The following ALPP variants were observed in gnomAD, a reference collection of about 807,000 sequenced individuals.
The protein encoded by ALPP is alkaline phosphatase, placental type.
In ALPP, 39 loss-of-function variants were observed where a neutral mutation model predicts 50.7. That is an observed-to-expected ratio of 0.77 (90% CI 0.60 to 1.00). ALPP has a LOEUF of 1.00. ALPP is among the 50% of genes least tolerant of loss of function. The pLI is 0.00. For missense variants in ALPP, 550 were observed against 746.8 expected (o/e 0.74, Z 3.07); for synonymous variants, 226 against 320.3 (o/e 0.71, Z 3.14).
chr2:232,381,165 A>C, intron 9 of ALPP, 86 bp from the exon 10 acceptor site: 1 of 1,606,784 alleles, frequency 6.2e-7, no homozygotes, highest in East Asian at 2.2e-5. Context: ...TAAGCCCCTG[A>C]CCAGGCAAAA....
chr2:232,379,540 G>C lies in ALPP; in HGVS notation c.337G>C (p.Asp113His), dbSNP rs1253988164. 5.0e-6 allele frequency: 8 copies of C among 1,614,104 alleles called. No individual in the cohort carries two copies. Among genetic ancestry groups the C allele is most frequent in the Non-Finnish European group, 6.8e-6 (8 of 1,180,044 alleles). ...ATACAATGTAGACAAACATGTGCCAGACAGTGGAGCCACAGCCACGGCCTA... is the reference window on the plus strand; with the variant it reads ...ATACAATGTAGACAAACATGTGCCACACAGTGGAGCCACAGCCACGGCCTA... ...KTYNVDKHVPDSGATATAYLC... is the reference protein window; with the variant it reads ...KTYNVDKHVPHSGATATAYLC... Residue 113 changes from aspartate (D) to histidine (H), a missense_variant, in exon 4 of 11, where the codon GAC becomes CAC. Asp to His is a moderately conservative substitution (Grantham distance 81). This residue lies in a region of ALPP where 376 missense variants were observed against 388.5 expected (regional missense o/e 0.97). Transcript: ENST00000392027.
rs1225894542 is a variant in ALPP, at chr2:232,380,444, A to G, written c.817A>G (p.Thr273Ala). The change falls in exon 7 of 11, where the codon ACT becomes GCT. Residue 273 changes from threonine (T) to alanine (A), a missense_variant. Physicochemically the swap from Thr to Ala is moderately conservative, Grantham distance 58. Transcript: ENST00000392027. The stretch of plus-strand genomic sequence containing the variant: ...GGGTGCCCGGTATGTGTGGAACCGC[A>G]CTGAGCTCATGCAGGCTTCCCTGGA... ...RQGARYVWNR[T>A]ELMQASLDPS... The G allele has an allele frequency of 5.6e-6, 9 of 1,613,692 alleles. No individual in the cohort carries two copies. The highest frequency in any genetic ancestry group is 7.6e-6 in the Non-Finnish European group (9 of 1,179,896).
intron 5 of ALPP, 112 bp downstream of exon 5, chr2:232,380,048 G>A: frequency 2.6e-6 from 4 of 1,565,056 alleles, no homozygotes; most frequent in Non-Finnish European, 3.5e-6. Context: ...TCTGGAGGTG[G>A]GGTTGTGGGC....
chr2:232,381,394 G>A (rs1696708670), intron 10 of ALPP, 27 bp downstream of exon 10: 2 of 1,613,820 alleles, frequency 1.2e-6, no homozygotes, highest in Admixed American at 3.3e-5. Context: ...GGCCCCCTGA[G>A]GGGGACCAGG....
rs1346994042 is a variant in ALPP, at chr2:232,381,681, G to A, written c.1494G>A (p.Leu498=). 6.2e-7 allele frequency: 1 copy of A among 1,608,946 alleles called. No individual in the cohort carries two copies. Among genetic ancestry groups the A allele is most frequent in the Non-Finnish European group, 8.5e-7 (1 of 1,178,586 alleles). Residue 498 remains leucine (L), a synonymous_variant, in exon 11 of 11, where the codon CTG becomes CTA. Transcript: ENST00000392027. The part of the protein sequence containing the change: ...ACLEPYTACD[L]APPAGTTDAA... ...TGGAGCCCTACACCGCCTGCGACCT[G>A]GCGCCCCCCGCCGGCACCACCGACG...
chr2:232,379,709 G>T (rs753292542), intron 4 of ALPP, 22 bp downstream of exon 4: 2 of 1,613,912 alleles, frequency 1.2e-6, no homozygotes, highest in African/African-American at 2.7e-5. Flanking sequence ...CCCGCTGCTG[G>T]GTCACGGCCA....
rs773052950 is a variant in ALPP, at chr2:232,378,792, G to A, written c.-11G>A. 6.2e-7 allele frequency: 1 copy of A among 1,613,494 alleles called. No individual in the cohort carries two copies. Among genetic ancestry groups the A allele is most frequent in the Non-Finnish European group, 8.5e-7 (1 of 1,179,688 alleles). Reference sequence around the variant, plus strand: ...ATTCCTGCCTCGCCACTGTCCTGCTGCCCTCCAGACATGCTGGGGCCCTGC... The same window carrying A: ...ATTCCTGCCTCGCCACTGTCCTGCTACCCTCCAGACATGCTGGGGCCCTGC... On this transcript the variant is annotated 5_prime_UTR_variant, in exon 1 of 11. Transcript: ENST00000392027.
Position 232,379,908 on chromosome 2 carries a change from C to G in ALPP, c.629C>G (p.Thr210Arg), listed in dbSNP as rs750382140. The G allele has an allele frequency of 1.2e-6, 2 of 1,611,796 alleles. No individual in the cohort carries two copies. The highest frequency in any genetic ancestry group is 1.7e-6 in the Non-Finnish European group (2 of 1,179,040). ...ARQEGCQDIA[T>R]QLISNMDIDV... ...CAGGAGGGGTGCCAGGACATCGCTA[C>G]GCAGCTCATCTCCAACATGGACATT... Residue 210 changes from threonine to arginine, a missense_variant, in exon 5 of 11, where the codon ACG (threonine) becomes AGG (arginine). Thr to Arg is a moderately conservative substitution (Grantham distance 71, BLOSUM62 -1). This residue lies in a region of ALPP where 376 missense variants were observed against 388.5 expected (regional missense o/e 0.97). Coordinates refer to ENST00000392027, the MANE Select transcript of ALPP (RefSeq NM_001632.5).
chr2:232,380,275 G>C lies in ALPP; in HGVS notation c.747G>C (p.Arg249Ser), dbSNP rs753892405. 25 of 1,613,974 alleles carry C rather than the reference G, an allele frequency of 1.5e-5. No individual in the cohort carries two copies. The highest frequency in any genetic ancestry group is 2.0e-5 in the Non-Finnish European group (24 of 1,180,034). ...ATGACTACAGCCAAGGTGGGACCAG[G>C]CTGGACGGGAAGAATCTGGTGCAGG... ...YPDDYSQGGT[R>S]LDGKNLVQEW... Residue 249 changes from arginine (R) to serine (S), a missense_variant, in exon 6 of 11, where the codon AGG (arginine) becomes AGC (serine). Arg to Ser is a moderately radical substitution (Grantham distance 110). This residue lies in a region of ALPP where 376 missense variants were observed against 388.5 expected (regional missense o/e 0.97). Coordinates refer to ENST00000392027, the MANE Select transcript of ALPP (RefSeq NM_001632.5).
At position 232,379,235 on chromosome 2, in the gene ALPP, C is replaced by A. The variant is rs144454460; in HGVS notation, c.229C>A (p.Leu77Ile). 737 of 1,613,920 alleles carry A rather than the reference C, an allele frequency of 4.6e-4. 10 individuals are homozygous for A. The highest frequency in any genetic ancestry group is 2.2e-3 in the South Asian group (203 of 91,064). Residue 77 changes from leucine to isoleucine, a missense_variant, in exon 3 of 11, where the codon CTA becomes ATA. By Grantham distance (5) the Leu-to-Ile change is conservative. This residue lies in a region of ALPP where 376 missense variants were observed against 388.5 expected (regional missense o/e 0.97). Coordinates refer to ENST00000392027, the MANE Select transcript of ALPP (RefSeq NM_001632.5). Reference sequence around the variant, plus strand: ...GTCTACGGTGACAGCTGCCAGGATCCTAAAAGGGCAGAAGAAGGACAAACT... The same window carrying A: ...GTCTACGGTGACAGCTGCCAGGATCATAAAAGGGCAGAAGAAGGACAAACT... ...GVSTVTAARILKGQKKDKLGP... is the reference protein window; with the variant it reads ...GVSTVTAARIIKGQKKDKLGP...
In ALPP at chr2:232,379,929, A is replaced by C; in HGVS notation, c.650A>C (p.Asp217Ala). ...DIATQLISNM[D>A]IDVILGGGRK... is the part of the protein sequence containing the mutation. ...GCTACGCAGCTCATCTCCAACATGGACATTGACGTGCGACCCCCAGGCCAA... is the reference window on the plus strand; with the variant it reads ...GCTACGCAGCTCATCTCCAACATGGCCATTGACGTGCGACCCCCAGGCCAA... The change falls in exon 5 of 11, where the codon GAC becomes GCC. Residue 217 changes from aspartate (D) to alanine (A), a missense_variant. Transcript: ENST00000392027. The C allele has an allele frequency of 6.2e-7, 1 of 1,606,694 alleles. No individual in the cohort carries two copies. The highest frequency in any genetic ancestry group is 8.5e-7 in the Non-Finnish European group (1 of 1,176,254).
At position 232,382,843 on chromosome 2, in the gene ALPP, A is replaced by T. The variant is rs563682935; in HGVS notation, c.*1048A>T. ...ATTCTGCCTCAAAAATAAACAAATA[A>T]ATTTTAAAAATAAATAAATAATAAA... On this transcript the variant is annotated 3_prime_UTR_variant, in exon 11 of 11. Transcript: ENST00000392027. The T allele has an allele frequency of 8.5e-5, 13 of 152,296 alleles. No individual in the cohort carries two copies. Among genetic ancestry groups the T allele is most frequent in the African/African-American group, 3.1e-4 (13 of 41,562 alleles). The allele number at this position is 152,296 out of a possible 1,614,324, so 9.4% of individuals were successfully genotyped here.
chr2:232,381,961 T>A lies in ALPP; in HGVS notation c.*166T>A. ...CCGTGCGCTCTGGGGACTGAGCCCATGACACCAAACCTGCCCCTTGGCTGC... is the reference window on the plus strand; with the variant it reads ...CCGTGCGCTCTGGGGACTGAGCCCAAGACACCAAACCTGCCCCTTGGCTGC... On this transcript the variant is annotated 3_prime_UTR_variant, in exon 11 of 11. Transcript: ENST00000392027. The A allele has an allele frequency of 8.5e-7, 1 of 1,169,682 alleles. No individual in the cohort carries two copies. Among genetic ancestry groups the A allele is most frequent in the Non-Finnish European group, 1.2e-6 (1 of 856,166 alleles). The allele number at this position is 1,169,682 out of a possible 1,614,324, so 72.5% of individuals were successfully genotyped here.
chr2:232,382,886 G>A lies in ALPP; in HGVS notation c.*1091G>A, dbSNP rs1269055624. On this transcript the variant is annotated 3_prime_UTR_variant, in exon 11 of 11. Coordinates refer to ENST00000392027, the MANE Select transcript of ALPP (RefSeq NM_001632.5). Reference sequence around the variant, plus strand: ...ATAATAAAAGGAAGTGTTAGACAATGTAATGCCAGTACTACTTCCTAGGAG... The same window carrying A: ...ATAATAAAAGGAAGTGTTAGACAATATAATGCCAGTACTACTTCCTAGGAG... The A allele has an allele frequency of 1.3e-5, 2 of 152,224 alleles. No individual in the cohort carries two copies. The highest frequency in any genetic ancestry group is 4.8e-5 in the African/African-American group (2 of 41,476). 9.4% of individuals were successfully genotyped at this position (152,224 alleles called of 1,614,324 possible).
In ALPP at chr2:232,382,777, G is replaced by A. The variant is rs1456995909; in HGVS notation, c.*982G>A. The A allele has an allele frequency of 6.6e-5, 10 of 152,146 alleles. No homozygotes were observed. Among genetic ancestry groups the A allele is most frequent in the Non-Finnish European group, 1.0e-4 (7 of 68,046 alleles). The allele number at this position is 152,146 out of a possible 1,614,324, so 9.4% of individuals were successfully genotyped here. A position where few individuals can be genotyped will look rare whatever the true frequency, so the allele number is the denominator to read the frequency against. On this transcript the variant is annotated 3_prime_UTR_variant, in exon 11 of 11. Transcript: ENST00000392027. ...CGGGCGGCGGAGATTGCAGTGAGCC[G>A]AGGTCATGCCACTGCACTGCAGCCT...
rs772475606 is a variant in ALPP, at chr2:232,381,500, G to A, written c.1313G>A (p.Ser438Asn). Residue 438 changes from serine (S) to asparagine (N), a missense_variant, in exon 11 of 11, where the codon AGC (serine) becomes AAC (asparagine). By Grantham distance (46) the Ser-to-Asn change is conservative. Coordinates refer to ENST00000392027, the MANE Select transcript of ALPP (RefSeq NM_001632.5). ...RPDVTESESGSPEYRQQSAVP... is the reference protein window; with the variant it reads ...RPDVTESESGNPEYRQQSAVP... ...CGGAACTGAACCCTCCAACCAGGGA[G>A]CCCCGAGTATCGGCAGCAGTCAGCA... 2.5e-6 allele frequency: 4 copies of A among 1,613,094 alleles called. No individual in the cohort carries two copies. In the African/African-American group the frequency reaches 5.3e-5, roughly 22 times the overall value.
chr2:232,380,058 C>T (rs1037784140), intron 5 of ALPP, 122 bp downstream of exon 5: 35 of 1,568,864 alleles, frequency 2.2e-5, no homozygotes, highest in African/African-American at 1.6e-4. Flanking sequence ...GGGTTGTGGG[C>T]GTAGAAGGTG....
rs559948480 is a variant in ALPP at position 232,381,737 on chromosome 2, C to T, written c.1550C>T (p.Ala517Val). The T allele has an allele frequency of 1.3e-5, 20 of 1,598,982 alleles. No individual in the cohort carries two copies. In the East Asian group the frequency reaches 2.0e-4, roughly 16 times the overall value. The change falls in exon 11 of 11, where the codon GCG (alanine) becomes GTG (valine). Residue 517 changes from alanine (A) to valine (V), a missense_variant. Ala to Val is a moderately conservative substitution (Grantham distance 64). This residue lies in a region of ALPP where 155 missense variants were observed against 167.6 expected (regional missense o/e 0.92). Transcript: ENST00000392027. ...CACCCGGGGCGGTCCGTGGTCCCCGCGTTGCTTCCTCTGCTGGCCGGGACC... is the reference window on the plus strand; with the variant it reads ...CACCCGGGGCGGTCCGTGGTCCCCGTGTTGCTTCCTCTGCTGGCCGGGACC... ...AAHPGRSVVP[A>V]LLPLLAGTLL...
At chr2:232,381,404 G>T (rs537525365) in intron 10 of ALPP, 37 bp downstream of exon 10, 1 of 1,613,834 alleles carries the variant, frequency 6.2e-7, no homozygotes, top group African/African-American at 1.3e-5. Context: ...GGGGGACCAG[G>T]GTGCCAAGGA....
Sources: gnomAD v4.1 joint callset for allele counts on GRCh38, gnomAD v4.1.1 for gene constraint, gnomAD v4.1.1 regional missense constraint, MANE v1.5 for transcripts, NCBI Gene and HGNC (gene_info 2026-07-23, HGNC 2026-07-21) for gene names.